TMEM39B: variants seen among roughly 807,000 people sequenced by gnomAD.
The protein encoded by TMEM39B is transmembrane protein 39B.
A neutral mutation model predicts 52.2 loss-of-function variants in TMEM39B; 23 were observed. That is an observed-to-expected ratio of 0.44 (90% confidence interval 0.32 to 0.62). The LOEUF is 0.62. Among genes scored for constraint, TMEM39B ranks in the 20% least tolerant of loss-of-function variants. The probability of loss-of-function intolerance (pLI) is 0.06; values close to 1 mark genes in which losing one functional copy is unlikely to be tolerated. For synonymous variants in TMEM39B, 285 were observed against 264.0 expected (o/e 1.08, Z -0.77); for missense variants, 547 against 642.0 (o/e 0.85, Z 1.60).
chr1:32,077,466 T>C (rs997059617), intron 5 of TMEM39B, 148 bp downstream of exon 5: 1 of 1,060,500 alleles, frequency 9.4e-7, no homozygotes. Flanking sequence ...ACTCACTCAC[T>C]GAGGTCAGGA....
chr1:32,075,571 A>C (rs750625942), intron 2 of TMEM39B, 32 bp from the exon 3 acceptor site: 2 of 1,534,292 alleles, frequency 1.3e-6, no homozygotes, highest in South Asian at 2.4e-5. Context: ...TTCTCAGGTC[A>C]GCTGCTGATG....
intron 8 of TMEM39B, among the ~76,000 whole-genome samples, chr1:32,101,180 C>T (rs538189924): frequency 1.3e-5 from 2 of 152,154 alleles, no homozygotes; most frequent in East Asian, 1.9e-4. Flanking sequence ...CCAGGCATGT[C>T]GTTAAGCACT....
intron 6 of TMEM39B, among the ~76,000 whole-genome samples, chr1:32,094,117 C>CTTTTTTT (rs796499631): frequency 6.7e-5 from 2 of 29,770 alleles, no homozygotes; most frequent in Non-Finnish European, 1.2e-4. Context: ...TGCGCCTGGC[C>CTTTTTTT]TTTTTTTTTT....
Position 32,075,036 on chromosome 1 carries a change from C to G in TMEM39B, c.90C>G (p.His30Gln). Residue 30 changes from histidine to glutamine, a missense_variant, in exon 2 of 9, where the codon CAC becomes CAG. By Grantham distance (24) the His-to-Gln change is conservative. Coordinates refer to ENST00000336294, the MANE Select transcript of TMEM39B (RefSeq NM_018056.4). ...CCTCGGGGGGCTCTAGTGGAAGCCA[C>G]ACTTCCAGTGCATCGGTGACCAGTG... ...PGSSGGSSGS[H>Q]TSSASVTSVR... 1.9e-6 allele frequency: 3 copies of G among 1,551,592 alleles called. No homozygotes were observed. The highest frequency in any genetic ancestry group is 1.2e-5 in the South Asian group (1 of 84,040).
chr1:32,083,994 G>C (rs56378246), intron 5 of TMEM39B, among the ~76,000 whole-genome samples: 20,493 of 150,356 alleles, frequency 0.14, 1,897 homozygotes, highest in South Asian at 0.25. Context: ...CAGACACACA[G>C]ACACACACAC....
rs35611571 is a variant in TMEM39B at position 32,089,819 on chromosome 1, CAGG to C, written c.591-1853_591-1851del. ...TTGGGAGGCTGAGGCGGGTGGAGGT[CAGG>C]AGTTCAAGACCAGCGTGGCCAACAT... On this transcript the variant is annotated intron_variant, in intron 5 of 8. Transcript: ENST00000336294. 4.0e-3 allele frequency among the ~76,000 whole-genome samples: 604 copies of C among 151,740 alleles called. 7 individuals are homozygous for C. Among genetic ancestry groups the C allele is most frequent in the Non-Finnish European group, 6.6e-3 (448 of 67,888 alleles).
chr1:32,073,174 C>G, intron 1 of TMEM39B, 123 bp downstream of exon 1: 1 of 1,236,354 alleles, frequency 8.1e-7, no homozygotes, highest in South Asian at 1.9e-5. Flanking sequence ...GGGATGCGAG[C>G]GCAGACGGGA....
At position 32,100,980 on chromosome 1, in the gene TMEM39B, G is replaced by A. The variant is rs368858469; in HGVS notation, c.1236+418G>A. Among the ~76,000 whole-genome samples the A allele has an allele frequency of 7.9e-4, 120 of 152,232 alleles. 1 individual carries two copies. The Middle Eastern group carries it at 0.014, about 17-fold the overall frequency. ...CAGGAGACGGAGGTTGCAGTGAGCC[G>A]AGATCATGCCACTGCACTCCAGCCT... On this transcript the variant is annotated intron_variant, in intron 8 of 8. Coordinates refer to ENST00000336294, the MANE Select transcript of TMEM39B (RefSeq NM_018056.4).
At chr1:32,091,637 A>G in intron 5 of TMEM39B, 38 bp from the exon 6 acceptor site, 1 of 1,550,222 alleles carries the variant, frequency 6.5e-7, no homozygotes, top group East Asian at 2.3e-5. Flanking sequence ...ATCCTGGCCC[A>G]TGGGCAGGCC....
chr1:32,072,823 G>A (rs895459996), upstream of TMEM39B: 6 of 551,648 alleles, frequency 1.1e-5, no homozygotes, highest in South Asian at 6.5e-5. Flanking sequence ...GTGGGGGACC[G>A]AGAGACAAAG....
intron 5 of TMEM39B, among the ~76,000 whole-genome samples, chr1:32,086,242 C>A (rs1016466695): frequency 1.2e-4 from 18 of 152,270 alleles, no homozygotes; most frequent in Middle Eastern, 3.4e-3. Flanking sequence ...CTCCCCACTT[C>A]ATCTTCTATC....
intron 5 of TMEM39B, among the ~76,000 whole-genome samples, chr1:32,079,248 A>C (rs979790923): frequency 6.7e-6 from 1 of 149,260 alleles, no homozygotes; most frequent in Non-Finnish European, 1.5e-5. Context: ...GCAGTGGCAC[A>C]ATCTTGGCTC....
intron 6 of TMEM39B, among the ~76,000 whole-genome samples, chr1:32,094,117 C>CTTTTTT (rs796499631): frequency 6.7e-5 from 2 of 29,804 alleles, no homozygotes; most frequent in Admixed American, 6.9e-4. Flanking sequence ...TGCGCCTGGC[C>CTTTTTT]TTTTTTTTTT....
At chr1:32,074,276 G>A (rs972201483) in intron 1 of TMEM39B, among the ~76,000 whole-genome samples, 3 of 152,106 alleles carry the variant, frequency 2.0e-5, no homozygotes. Flanking sequence ...TGAAAAAGCT[G>A]TCCCAAAGTT....
At position 32,075,185 on chromosome 1, in the gene TMEM39B, G is replaced by T. The variant is rs528067589; in HGVS notation, c.131+108G>T. 9.9e-6 allele frequency: 14 copies of T among 1,420,300 alleles called. No individual in the cohort carries two copies. The East Asian group carries it at 3.3e-4, about 33-fold the overall frequency. 88.0% of individuals were successfully genotyped at this position (1,420,300 alleles called of 1,614,324 possible). On this transcript the variant is annotated intron_variant, in intron 2 of 8. Transcript: ENST00000336294. ...TGTGAAATCCTAGATGCCAGTGGGG[G>T]CTTAGAGGGGAGTAAGCAGCAGAAA...
intron 5 of TMEM39B, among the ~76,000 whole-genome samples, chr1:32,088,285 C>T (rs981095380): frequency 6.6e-6 from 1 of 150,630 alleles, no homozygotes; most frequent in Admixed American, 6.7e-5. Context: ...GGTATAGTGG[C>T]GGGCGCCTGT....
At position 32,095,455 on chromosome 1, in the gene TMEM39B, G is replaced by C. The variant is rs78022621; in HGVS notation, c.1115+484G>C. 1.4e-3 allele frequency among the ~76,000 whole-genome samples: 206 copies of C among 152,224 alleles called. 1 individual carries two copies. The highest frequency in any genetic ancestry group is 2.5e-3 in the Non-Finnish European group (167 of 68,012). On this transcript the variant is annotated intron_variant, in intron 7 of 8. Coordinates refer to ENST00000336294, the MANE Select transcript of TMEM39B (RefSeq NM_018056.4). ...GGGACCCATGCCAAGGTGTGCTTTAGAGTCATCAGCCTGGTGCCAGGATGT... is the reference window on the plus strand; with the variant it reads ...GGGACCCATGCCAAGGTGTGCTTTACAGTCATCAGCCTGGTGCCAGGATGT...
chr1:32,077,727 C>T (rs1295868216), intron 5 of TMEM39B, among the ~76,000 whole-genome samples: 1 of 152,132 alleles, frequency 6.6e-6, no homozygotes, highest in Non-Finnish European at 1.5e-5. Flanking sequence ...TGTGTGCCAG[C>T]AAACAGCTGC....
chr1:32,086,535 G>A (rs1335433354), intron 5 of TMEM39B, among the ~76,000 whole-genome samples: 2 of 152,088 alleles, frequency 1.3e-5, no homozygotes, highest in South Asian at 2.1e-4. Flanking sequence ...GAGAGACTGA[G>A]GCAGGCGGAT....
Sources: allele counts gnomAD v4.1 joint callset (sites outside exome capture counted in the v4.1 genomes callset), GRCh38; gene constraint gnomAD v4.1.1; transcripts MANE v1.5; gene names NCBI Gene and HGNC (gene_info 2026-07-23, HGNC 2026-07-21).